The following ST3GAL3 variants were observed in gnomAD, a reference collection of about 807,000 sequenced individuals.
ST3GAL3 encodes ST3 beta-galactoside alpha-2,3-sialyltransferase 3, also known as CMP-N-acetylneuraminate-beta-1,4-galactoside alpha-2,3-sialyltransferase.
ST3GAL3 carries 21 observed loss-of-function variants against 50.1 expected under a neutral mutation model. The ratio of observed to expected loss-of-function variants is 0.42; its 90% CI spans 0.30 to 0.60. The LOEUF (loss-of-function observed/expected upper bound fraction) is 0.60, where lower values mean the gene tolerates loss of function less well. ST3GAL3 is among the 20% of genes least tolerant of loss of function. The pLI, the probability that ST3GAL3 is intolerant of heterozygous loss-of-function variation, is 0.19. For missense variants in ST3GAL3, 353 were observed against 489.4 expected, an observed-to-expected ratio of 0.72 and a Z score of 2.63; for synonymous variants, 183 against 190.0, an observed-to-expected ratio of 0.96 and a Z score of 0.30.
chr1:43,920,260 G>A (rs1249371217), intron 9 of ST3GAL3, 144 bp from the exon 10 acceptor site: 8 of 910,286 alleles, frequency 8.8e-6, no homozygotes, highest in Non-Finnish European at 1.4e-5. Context: ...AAACACAGAT[G>A]GGCTTCCTAC....
intron 3 of ST3GAL3, among the ~76,000 whole-genome samples, chr1:43,797,046 G>A (rs2058755245): frequency 6.6e-6 from 1 of 152,118 alleles, no homozygotes; most frequent in South Asian, 2.1e-4. Flanking sequence ...ATATTAGCCA[G>A]GCATGGTGGC....
chr1:43,761,733 G>A (rs561022164), intron 2 of ST3GAL3, among the ~76,000 whole-genome samples: 5 of 146,840 alleles, frequency 3.4e-5, no homozygotes, highest in Admixed American at 6.8e-5. Flanking sequence ...GGCGGATCAC[G>A]AGGTCAGGAG....
At chr1:43,903,525 G>A (rs558458546) in intron 9 of ST3GAL3, among the ~76,000 whole-genome samples, 32 of 152,364 alleles carry the variant, frequency 2.1e-4, no homozygotes, top group African/African-American at 7.7e-4. Context: ...TCAATTCAGT[G>A]GGGCCCTGGG....
chr1:43,812,831 G>A (rs912205998), intron 3 of ST3GAL3, among the ~76,000 whole-genome samples: 6 of 152,126 alleles, frequency 3.9e-5, no homozygotes, highest in Admixed American at 1.3e-4. Context: ...GGACAGACTT[G>A]CTTTAGAAAT....
intron 2 of ST3GAL3, among the ~76,000 whole-genome samples, chr1:43,779,532 C>A (rs1345981374): frequency 6.6e-6 from 1 of 152,140 alleles, no homozygotes; most frequent in Non-Finnish European, 1.5e-5. Flanking sequence ...GGTTTTTTAA[C>A]CTCTGAATCT....
At chr1:43,765,926 C>T (rs967614330) in intron 2 of ST3GAL3, among the ~76,000 whole-genome samples, 5 of 77,066 alleles carry the variant, frequency 6.5e-5, no homozygotes, top group Non-Finnish European at 1.6e-4. Context: ...TGATGTCTTT[C>T]ACATGGTAAC....
chr1:43,850,518 G>C (rs1264735650), intron 5 of ST3GAL3: 2 of 661,348 alleles, frequency 3.0e-6, no homozygotes, highest in Non-Finnish European at 5.7e-6. Flanking sequence ...AAGTCCAAGA[G>C]ATGTCAGTGC....
At chr1:43,796,980 T>G (rs2058748567) in intron 3 of ST3GAL3, among the ~76,000 whole-genome samples, 1 of 152,198 alleles carries the variant, frequency 6.6e-6, no homozygotes. Context: ...GACTAGGAGT[T>G]TGAAACCAGC....
intron 5 of ST3GAL3, among the ~76,000 whole-genome samples, chr1:43,854,973 G>T (rs2068058992): frequency 6.6e-6 from 1 of 152,024 alleles, no homozygotes; most frequent in Non-Finnish European, 1.5e-5. Context: ...CTCTTCACTG[G>T]TTCCTTCTTA....
At chr1:43,828,925 G>A (rs1323171799) in intron 4 of ST3GAL3, among the ~76,000 whole-genome samples, 1 of 152,074 alleles carries the variant, frequency 6.6e-6, no homozygotes, top group East Asian at 1.9e-4. Context: ...TTTACCCAGT[G>A]GAACTGAAAA....
intron 2 of ST3GAL3, among the ~76,000 whole-genome samples, chr1:43,747,276 G>C (rs1159045748): frequency 6.6e-6 from 1 of 151,888 alleles, no homozygotes; most frequent in Non-Finnish European, 1.5e-5. Context: ...GCCGGACATG[G>C]TGGCACGTGC....
chr1:43,768,246 A>G (rs1310318712), intron 2 of ST3GAL3, among the ~76,000 whole-genome samples: 1 of 152,114 alleles, frequency 6.6e-6, no homozygotes, highest in Non-Finnish European at 1.5e-5. Flanking sequence ...ACCAGCCTGG[A>G]CAACACAGCA....
At chr1:43,824,745 T>A (rs748856969) in intron 4 of ST3GAL3, 2 of 1,613,892 alleles carry the variant, frequency 1.2e-6, no homozygotes, top group Non-Finnish European at 1.7e-6. Flanking sequence ...CCGAGGACTC[T>A]CTGCACGGTG....
chr1:43,816,409 A>G (rs1443246091), intron 4 of ST3GAL3, among the ~76,000 whole-genome samples: 2 of 152,214 alleles, frequency 1.3e-5, no homozygotes, highest in African/African-American at 2.4e-5. Flanking sequence ...GCTAGTAGAG[A>G]GATGTCAGCC....
intron 11 of ST3GAL3, among the ~76,000 whole-genome samples, chr1:43,927,451 C>A (rs115138049): frequency 0.02 from 3,069 of 152,180 alleles, 106 homozygotes; most frequent in African/African-American, 0.071. Flanking sequence ...ATGTCCAGTC[C>A]TCTGCTGACC....
At chr1:43,777,013 C>T (rs1697509059) in intron 2 of ST3GAL3, among the ~76,000 whole-genome samples, 2 of 152,110 alleles carry the variant, frequency 1.3e-5, no homozygotes, top group Admixed American at 6.6e-5. Context: ...GGAGGAATGT[C>T]ATATGGCTAA....
intron 9 of ST3GAL3, among the ~76,000 whole-genome samples, chr1:43,902,926 G>A (rs1269307726): frequency 6.6e-6 from 1 of 152,196 alleles, no homozygotes; most frequent in Non-Finnish European, 1.5e-5. Flanking sequence ...TAGTGGGAGA[G>A]AGAGTCCCAG....
rs1553285693 is a variant in ST3GAL3 at position 43,759,065 on chromosome 1, GCACA to G, written c.118+22724_118+22727del. 4.8e-3 allele frequency among the ~76,000 whole-genome samples: 360 copies of G among 75,414 alleles called. 1 individual carries two copies. The highest frequency in any genetic ancestry group is 0.011 in the South Asian group (23 of 2,136). The allele number at this position is 75,414 out of a possible 152,430, so 49.5% of individuals were successfully genotyped here. A position where few individuals can be genotyped will look rare whatever the true frequency, so the allele number is the denominator to read the frequency against. ...TCCTAAAAAACAAACAAAAGCGCGC[GCACA>G]CACACACACACACACACACACACAC... On this transcript the variant is annotated intron_variant, in intron 2 of 11. Transcript: ENST00000347631.
At chr1:43,710,873 C>T (rs1187686805) in intron 1 of ST3GAL3, among the ~76,000 whole-genome samples, 2 of 152,092 alleles carry the variant, frequency 1.3e-5, no homozygotes, top group East Asian at 1.9e-4. Flanking sequence ...TGCCTTTTTG[C>T]GATAATTGCC....
Sources: gnomAD v4.1 joint callset for allele counts (sites outside exome capture counted in the v4.1 genomes callset) on GRCh38, gnomAD v4.1.1 for gene constraint, MANE v1.5 for transcripts, NCBI Gene and HGNC (gene_info 2026-07-23, HGNC 2026-07-21) for gene names.